The following UNK variants were observed in gnomAD, a reference collection of about 807,000 sequenced individuals.
The protein encoded by UNK is unk zinc finger.
UNK carries 32 observed loss-of-function variants against 97.6 expected under a neutral mutation model. The observed-to-expected ratio is 0.33, with a 90% confidence interval of 0.25 to 0.44. The LOEUF (loss-of-function observed/expected upper bound fraction) is 0.44. UNK is among the 20% of genes least tolerant of loss of function. The pLI, the probability that UNK is intolerant of heterozygous loss-of-function variation, is 1.00. For synonymous variants in UNK, 441 were observed against 461.2 expected, an observed-to-expected ratio of 0.96 and a Z score of 0.56; for missense variants, 771 against 1,098.4, an observed-to-expected ratio of 0.70 and a Z score of 4.21.
intron 13 of UNK, among the ~76,000 whole-genome samples, chr17:75,822,192 C>T (rs190635736): frequency 3.3e-5 from 5 of 152,342 alleles, no homozygotes; most frequent in Admixed American, 1.3e-4. Flanking sequence ...CTGAGTTACC[C>T]GGTGAGGCCA....
At chr17:75,799,313 T>C (rs1470094532) in intron 1 of UNK, among the ~76,000 whole-genome samples, 1 of 151,976 alleles carries the variant, frequency 6.6e-6, no homozygotes, top group East Asian at 1.9e-4. Flanking sequence ...TTCAAAAAAG[T>C]TAATCTGTAA....
At chr17:75,823,037 CT>C (rs1455536154) in intron 14 of UNK, among the ~76,000 whole-genome samples, 8 of 152,352 alleles carry the variant, frequency 5.3e-5, no homozygotes, top group Admixed American at 3.9e-4. Context: ...CCCTGTGTCC[CT>C]GCTGTGCTAG....
intron 1 of UNK, among the ~76,000 whole-genome samples, chr17:75,787,590 C>G (rs2061724595): frequency 1.3e-5 from 2 of 151,244 alleles, no homozygotes; most frequent in Admixed American, 1.3e-4. Flanking sequence ...CTTTGGGAGC[C>G]TGAGGTGGGT....
chr17:75,814,128 C>A (rs760893702), intron 6 of UNK, among the ~76,000 whole-genome samples: 8 of 152,202 alleles, frequency 5.3e-5, no homozygotes, highest in Non-Finnish European at 1.0e-4. Context: ...CCTGACAGGG[C>A]AGGTGTAGAT....
chr17:75,792,894 C>T (rs955468216), intron 1 of UNK, among the ~76,000 whole-genome samples: 9 of 152,212 alleles, frequency 5.9e-5, no homozygotes, highest in South Asian at 2.1e-4. Flanking sequence ...GGGCTTCAAG[C>T]GCATGGCCTA....
In UNK at chr17:75,824,327, G is replaced by A. The variant is rs369900764; in HGVS notation, c.2343G>A (p.Pro781=). The change falls in exon 16 of 16, where the codon CCG becomes CCA. Residue 781 remains proline, a synonymous_variant. Coordinates refer to ENST00000589666, the MANE Select transcript of UNK (RefSeq NM_001080419.3). The surrounding 1 kb of genome is among the most constrained non-coding windows in gnomAD (Gnocchi z 4.9). ...AGGAACAGAAGCGGGCAGTGCTGCC[G>A]TGCCAACACGCTGCGCTGTGTGAGC... is the stretch of plus-strand genomic sequence containing the variant. ...KCQEQKRAVL[P]CQHAALCELC... The A allele has an allele frequency of 8.8e-5, 141 of 1,604,168 alleles. No individual in the cohort carries two copies. Among genetic ancestry groups the A allele is most frequent in the East Asian group, 1.8e-4 (8 of 43,996 alleles).
At chr17:75,792,191 G>T (rs2061768899) in intron 1 of UNK, 1 of 878,198 alleles carries the variant, frequency 1.1e-6, no homozygotes. Context: ...TGACAGTAAG[G>T]TTGCATTTAA....
At chr17:75,813,440 C>T (rs1025380872) in intron 5 of UNK, among the ~76,000 whole-genome samples, 1 of 152,250 alleles carries the variant, frequency 6.6e-6, no homozygotes, top group Non-Finnish European at 1.5e-5. Context: ...CTCTGAGGCT[C>T]CACCGCTCCT....
intron 7 of UNK, among the ~76,000 whole-genome samples, chr17:75,815,722 A>T (rs982864152): frequency 1.3e-5 from 2 of 152,146 alleles, no homozygotes; most frequent in Non-Finnish European, 2.9e-5. Flanking sequence ...TAACAAAAAT[A>T]GCAAAATATG....
intron 1 of UNK, among the ~76,000 whole-genome samples, chr17:75,797,681 A>T (rs948072427): frequency 1.3e-5 from 2 of 152,212 alleles, no homozygotes; most frequent in Non-Finnish European, 2.9e-5. Flanking sequence ...TAGTGACACT[A>T]AGTGGCCAGG....
rs768146983 is a variant in UNK at position 75,822,665 on chromosome 17, G to A, written c.2019+7G>A. The stretch of plus-strand genomic sequence containing the variant: ...CTGGAAGCAGGCCAAGCAGGTACCA[G>A]GCCCCGTGCCTGCCGGCCTTCCCCA... On this transcript the variant is annotated splice_region_variant and intron_variant, in intron 14 of 15. Transcript: ENST00000589666. The A allele has an allele frequency of 6.3e-7, 1 of 1,591,324 alleles. No individual in the cohort carries two copies. Among genetic ancestry groups the A allele is most frequent in the South Asian group, 1.1e-5 (1 of 88,764 alleles).
rs1234729440 is a variant in UNK at position 75,825,699 on chromosome 17, A to G, written c.*1282A>G. 6.6e-6 allele frequency: 1 copy of G among 152,264 alleles called. No homozygotes were observed. Among genetic ancestry groups the G allele is most frequent in the African/African-American group, 2.4e-5 (1 of 41,452 alleles). The allele number at this position is 152,264 out of a possible 1,614,324, so 9.4% of individuals were successfully genotyped here. On this transcript the variant is annotated 3_prime_UTR_variant, in exon 16 of 16. Transcript: ENST00000589666. This position sits in a 1 kb window ranked among gnomAD's most constrained non-coding sequence, Gnocchi z 4.4. Reference sequence around the variant, plus strand: ...CAGGCTCCCCCTTGGGCTCAGCACGAAAGGGCTTTCAATGAATTAAGTGAA... The same window carrying G: ...CAGGCTCCCCCTTGGGCTCAGCACGGAAGGGCTTTCAATGAATTAAGTGAA...
At chr17:75,810,952 T>C (rs2061963746) in intron 2 of UNK, among the ~76,000 whole-genome samples, 1 of 151,350 alleles carries the variant, frequency 6.6e-6, no homozygotes, top group South Asian at 2.1e-4. Flanking sequence ...GATTTCTTTT[T>C]TTTTGAGATG....
At chr17:75,811,570 T>C (rs1385083326) in intron 2 of UNK, among the ~76,000 whole-genome samples, 1 of 152,258 alleles carries the variant, frequency 6.6e-6, no homozygotes, top group Non-Finnish European at 1.5e-5. Context: ...TGCCCTGGAA[T>C]GCCAGGCCCT....
Position 75,818,033 on chromosome 17 carries a change from C to T in UNK, c.1306-70C>T. The T allele has an allele frequency of 2.0e-6, 3 of 1,508,046 alleles. No individual in the cohort carries two copies. Among genetic ancestry groups the T allele is most frequent in the Non-Finnish European group, 2.8e-6 (3 of 1,087,600 alleles). The allele number at this position is 1,508,046 out of a possible 1,614,324, so 93.4% of individuals were successfully genotyped here. On this transcript the variant is annotated intron_variant, in intron 9 of 15. Coordinates refer to ENST00000589666, the MANE Select transcript of UNK (RefSeq NM_001080419.3). The surrounding 1 kb of genome is among the most constrained non-coding windows in gnomAD (Gnocchi z 5.1). ...ACCACCTGCCCCCTGGTACCTGCAG[C>T]CTCAGGGTCAGATGGACTCAGGGAC...
intron 1 of UNK, among the ~76,000 whole-genome samples, chr17:75,786,184 A>G (rs1413107929): frequency 2.0e-5 from 3 of 152,186 alleles, no homozygotes; most frequent in African/African-American, 4.8e-5. Context: ...TCTGATATGG[A>G]CATTGCTTTC....
intron 6 of UNK, 122 bp from the exon 7 acceptor site, chr17:75,815,037 TGGAGGGGAGG>T: frequency 1.4e-6 from 1 of 706,004 alleles, no homozygotes; most frequent in Non-Finnish European, 2.4e-6. Context: ...AGAGACATAG[TGGAGGGGAGG>T]GGAGGGGCCG....
At chr17:75,814,847 C>T (rs982608704) in intron 6 of UNK, among the ~76,000 whole-genome samples, 1 of 152,214 alleles carries the variant, frequency 6.6e-6, no homozygotes, top group Non-Finnish European at 1.5e-5. Flanking sequence ...GATTGTGGCT[C>T]CCTTAATGCC....
Position 75,824,290 on chromosome 17 carries a change from G to A in UNK, c.2306G>A (p.Cys769Tyr). The change falls in exon 16 of 16, where the codon TGC (cysteine) becomes TAC (tyrosine). Residue 769 changes from cysteine to tyrosine, a missense_variant. Coordinates refer to ENST00000589666, the MANE Select transcript of UNK (RefSeq NM_001080419.3). This position sits in a 1 kb window ranked among gnomAD's most constrained non-coding sequence, Gnocchi z 4.9. ...GTGTTCCACATGCAGTCGGTGAAATGCCTTAAGTGTCAGGAACAGAAGCGG... is the reference window on the plus strand; with the variant it reads ...GTGTTCCACATGCAGTCGGTGAAATACCTTAAGTGTCAGGAACAGAAGCGG... ...KAVFHMQSVK[C>Y]LKCQEQKRAV... 1 of 1,603,982 alleles carries A rather than the reference G, an allele frequency of 6.2e-7. No individual in the cohort carries two copies.
Sources: gnomAD v4.1 joint callset for allele counts (sites outside exome capture counted in the v4.1 genomes callset) on GRCh38, gnomAD v4.1.1 for gene constraint, Gnocchi (gnomAD v3.1) non-coding constraint, MANE v1.5 for transcripts, NCBI Gene and HGNC (gene_info 2026-07-23, HGNC 2026-07-21) for gene names.